SV2B: variants seen among roughly 807,000 people sequenced by gnomAD.
The protein encoded by SV2B is synaptic vesicle glycoprotein 2B.
A neutral mutation model predicts 73.9 loss-of-function variants in SV2B; 41 were observed. The ratio of observed to expected loss-of-function variants is 0.56; its 90% CI spans 0.43 to 0.72. The LOEUF is 0.72. SV2B is among the 30% of genes least tolerant of loss of function. The pLI is 0.00. For missense variants in SV2B, 764 were observed against 857.8 expected (o/e 0.89, Z 1.37); for synonymous variants, 314 against 314.2 (o/e 1.00, Z 0.01).
intron 9 of SV2B, among the ~76,000 whole-genome samples, chr15:91,271,803 A>C (rs547232471): frequency 6.6e-6 from 1 of 151,832 alleles, no homozygotes; most frequent in East Asian, 1.9e-4. Context: ...GAAAACCCCA[A>C]CCCTCTTCTG....
rs1409005667 is a variant in SV2B at position 91,121,633 on chromosome 15, T to C, written c.-392+21270T>C. 6.6e-6 allele frequency among the ~76,000 whole-genome samples: 1 copy of C among 152,168 alleles called. No homozygotes were observed. Among genetic ancestry groups the C allele is most frequent in the Non-Finnish European group, 1.5e-5 (1 of 68,030 alleles). On this transcript the variant is annotated intron_variant, in intron 1 of 12. Coordinates refer to ENST00000394232, the MANE Select transcript of SV2B (RefSeq NM_001323032.3). The surrounding 1 kb of genome is among the most constrained non-coding windows in gnomAD (Gnocchi z 4.4). Reference sequence around the variant, plus strand: ...TGGAAGGGAAGAAAGCAGAGTTGGCTTAGAGATGAATGCAAATAAGATCTG... The same window carrying C: ...TGGAAGGGAAGAAAGCAGAGTTGGCCTAGAGATGAATGCAAATAAGATCTG...
chr15:91,219,004 T>C (rs1345921340), intron 1 of SV2B, among the ~76,000 whole-genome samples: 1 of 152,100 alleles, frequency 6.6e-6, no homozygotes, highest in Non-Finnish European at 1.5e-5. Context: ...AGTGGCATGC[T>C]CACAGCTCAC....
chr15:91,225,544 A>G (rs976546592), intron 1 of SV2B, among the ~76,000 whole-genome samples: 1 of 151,578 alleles, frequency 6.6e-6, no homozygotes, highest in African/African-American at 2.4e-5. Context: ...TTATTTTTTT[A>G]TTATTATACT....
Position 91,252,297 on chromosome 15 carries a change from C to A in SV2B, c.633-72C>A. 1 of 1,540,878 alleles carries A rather than the reference C, an allele frequency of 6.5e-7. No individual in the cohort carries two copies. Among genetic ancestry groups the A allele is most frequent in the Non-Finnish European group, 8.8e-7 (1 of 1,141,304 alleles). On this transcript the variant is annotated intron_variant, in intron 3 of 12. Coordinates refer to ENST00000394232, the MANE Select transcript of SV2B (RefSeq NM_001323032.3). The surrounding 1 kb of genome is among the most constrained non-coding windows in gnomAD (Gnocchi z 4.6). Reference sequence around the variant, plus strand: ...CACAGAGCCTAAGGTGGGGTATAGGCAACTTGGTTTCTGCTGTGACCATTT... The same window carrying A: ...CACAGAGCCTAAGGTGGGGTATAGGAAACTTGGTTTCTGCTGTGACCATTT...
intron 1 of SV2B, among the ~76,000 whole-genome samples, chr15:91,183,957 G>T (rs750794336): frequency 7.4e-6 from 1 of 135,928 alleles, no homozygotes; most frequent in African/African-American, 2.5e-5. Flanking sequence ...CCAAATAATC[G>T]CCTGGGGACA....
chr15:91,203,744 C>A (rs532349579), intron 1 of SV2B, among the ~76,000 whole-genome samples: 1 of 152,124 alleles, frequency 6.6e-6, no homozygotes, highest in Non-Finnish European at 1.5e-5. Context: ...TCCTAACAAA[C>A]GGGGGACTTT....
intron 1 of SV2B, among the ~76,000 whole-genome samples, chr15:91,208,375 C>T (rs77737759): frequency 0.072 from 10,989 of 152,176 alleles, 557 homozygotes; most frequent in Middle Eastern, 0.12. Flanking sequence ...AAAGTGTTTT[C>T]CCCCCACCCT....
intron 9 of SV2B, among the ~76,000 whole-genome samples, chr15:91,278,726 A>ATTT (rs2048585601): frequency 6.6e-6 from 1 of 151,376 alleles, no homozygotes; most frequent in Admixed American, 6.6e-5. Context: ...TCAGGCAAGA[A>ATTT]TTTGTTTCCT....
In SV2B at chr15:91,294,340, A is replaced by G. The variant is rs2049147371; in HGVS notation, c.*1788A>G. On this transcript the variant is annotated 3_prime_UTR_variant, in exon 13 of 13. Coordinates refer to ENST00000394232, the MANE Select transcript of SV2B (RefSeq NM_001323032.3). The surrounding 1 kb of genome is among the most constrained non-coding windows in gnomAD (Gnocchi z 4.1). ...CGATTTGAGATCAGTTTTAATGGTTAAAATGTTTACTCTCCTTCTGTCAAC... is the reference window on the plus strand; with the variant it reads ...CGATTTGAGATCAGTTTTAATGGTTGAAATGTTTACTCTCCTTCTGTCAAC... The G allele has an allele frequency of 1.3e-5, 2 of 152,194 alleles. No individual in the cohort carries two copies. The highest frequency in any genetic ancestry group is 3.8e-4 in the East Asian group (2 of 5,196). 9.4% of individuals were successfully genotyped at this position (152,194 alleles called of 1,614,324 possible).
intron 1 of SV2B, among the ~76,000 whole-genome samples, chr15:91,163,449 C>T (rs1303857963): frequency 6.6e-6 from 1 of 152,240 alleles, no homozygotes; most frequent in South Asian, 2.1e-4. Flanking sequence ...TTTTAATGAT[C>T]GCCATTCTAA....
Position 91,270,827 on chromosome 15 carries a change from TC to T in SV2B, c.1373+2224del. Among the ~76,000 whole-genome samples, 6 of 108,928 alleles carry T rather than the reference TC, an allele frequency of 5.5e-5. 1 individual carries two copies. The highest frequency in any genetic ancestry group is 1.9e-4 in the African/African-American group (5 of 25,978). 71.5% of individuals were successfully genotyped at this position (108,928 alleles called of 152,430 possible). A position where few individuals can be genotyped will look rare whatever the true frequency, so the allele number is the denominator to read the frequency against. On this transcript the variant is annotated intron_variant, in intron 9 of 12. Coordinates refer to ENST00000394232, the MANE Select transcript of SV2B (RefSeq NM_001323032.3). The stretch of plus-strand genomic sequence containing the variant: ...CTGTGGATGATGGGGGGATGGTGAA[TC>T]CTGTGGATGATGGGGGGACGGTGAA...
At chr15:91,254,833 A>G (rs1368359068) in intron 4 of SV2B, among the ~76,000 whole-genome samples, 2 of 152,226 alleles carry the variant, frequency 1.3e-5, no homozygotes, top group South Asian at 2.1e-4. Flanking sequence ...TCCTGGAAGC[A>G]TTAGCAATAC....
At chr15:91,243,647 T>A (rs2047110899) in intron 2 of SV2B, among the ~76,000 whole-genome samples, 1 of 152,172 alleles carries the variant, frequency 6.6e-6, no homozygotes, top group Non-Finnish European at 1.5e-5. Flanking sequence ...CAGAATGTTG[T>A]CTCATGGTTT....
chr15:91,262,924 G>A (rs1567407782), intron 6 of SV2B, among the ~76,000 whole-genome samples: 1 of 152,174 alleles, frequency 6.6e-6, no homozygotes, highest in Non-Finnish European at 1.5e-5. Context: ...TCGTTCCATG[G>A]CCAGAGGAAG....
intron 1 of SV2B, among the ~76,000 whole-genome samples, chr15:91,168,155 G>T (rs999114363): frequency 6.6e-6 from 1 of 152,120 alleles, no homozygotes; most frequent in African/African-American, 2.4e-5. Context: ...TTTTTGCCAC[G>T]CCTTTCAATT....
rs769514819 is a variant in SV2B, at chr15:91,258,410, C to G, written c.785-11C>G. The G allele has an allele frequency of 6.2e-7, 1 of 1,613,734 alleles. No homozygotes were observed. The highest frequency in any genetic ancestry group is 8.5e-7 in the Non-Finnish European group (1 of 1,179,810). On this transcript the variant is annotated splice_polypyrimidine_tract_variant and intron_variant, in intron 4 of 12. Transcript: ENST00000394232. This position sits in a 1 kb window ranked among gnomAD's most constrained non-coding sequence, Gnocchi z 4.7. ...GTCCCAGAAATCCTTTGACTGACTG[C>G]TCCTTTGCAGGCTGGGGCTTCAGCA...
chr15:91,156,175 T>G (rs1056805916), intron 1 of SV2B, among the ~76,000 whole-genome samples: 3 of 152,118 alleles, frequency 2.0e-5, no homozygotes, highest in Non-Finnish European at 4.4e-5. Flanking sequence ...ACCCAGGGAC[T>G]TAAAAGTAGA....
intron 1 of SV2B, among the ~76,000 whole-genome samples, chr15:91,204,906 G>A (rs2045582036): frequency 6.6e-6 from 1 of 152,090 alleles, no homozygotes; most frequent in African/African-American, 2.4e-5. Context: ...AATTTTTACA[G>A]ATGGGAAAAC....
intron 11 of SV2B, among the ~76,000 whole-genome samples, chr15:91,287,505 T>C (rs1485743246): frequency 6.6e-6 from 1 of 152,160 alleles, no homozygotes; most frequent in Non-Finnish European, 1.5e-5. Context: ...GACTTGGAGC[T>C]TGCATCTCAA....
Sources: gnomAD v4.1 joint callset for allele counts (sites outside exome capture counted in the v4.1 genomes callset) on GRCh38, gnomAD v4.1.1 for gene constraint, Gnocchi (gnomAD v3.1) non-coding constraint, MANE v1.5 for transcripts, NCBI Gene and HGNC (gene_info 2026-07-23, HGNC 2026-07-21) for gene names.